The following SLC14A2 variants were observed in gnomAD, a reference collection of about 807,000 sequenced individuals.
The protein encoded by SLC14A2 is solute carrier family 14 member 2, also known as urea transporter 2.
A neutral mutation model predicts 104.6 loss-of-function variants in SLC14A2; 91 were observed. That is an observed-to-expected ratio of 0.87 (90% CI 0.73 to 1.04). The LOEUF (loss-of-function observed/expected upper bound fraction) is 1.04. Among genes scored for constraint, SLC14A2 ranks in the 50% least tolerant of loss-of-function variants. The probability of loss-of-function intolerance (pLI) is 0.00; values close to 1 mark genes in which losing one functional copy is unlikely to be tolerated. For missense variants in SLC14A2, 1,189 were observed against 1,156.0 expected, an observed-to-expected ratio of 1.03 and a Z score of -0.41; for synonymous variants, 476 against 466.4, an observed-to-expected ratio of 1.02 and a Z score of -0.27.
At chr18:45,178,290 A>G in the SLC14A2 span, among the ~76,000 whole-genome samples, 41 of 152,342 alleles carry the variant, frequency 2.7e-4, 1 homozygote, top group African/African-American at 5.3e-4. Context: ...ATTCTTAAGC[A>G]CTAGAATTCA....
At chr18:45,543,533 G>T (rs888539812) in intron 2 of SLC14A2, among the ~76,000 whole-genome samples, 4 of 152,110 alleles carry the variant, frequency 2.6e-5, no homozygotes, top group African/African-American at 4.8e-5. Flanking sequence ...TTGTCCTTTG[G>T]AAAGTACTGG....
chr18:45,605,377 A>C (rs1389312008), intron 2 of SLC14A2, among the ~76,000 whole-genome samples: 16 of 152,292 alleles, frequency 1.1e-4, no homozygotes, highest in Non-Finnish European at 1.9e-4. Flanking sequence ...CTTAAAATAT[A>C]ACCCCCTCTG....
intron 2 of SLC14A2, among the ~76,000 whole-genome samples, chr18:45,577,831 A>G (rs1040423883): frequency 3.9e-5 from 6 of 152,234 alleles, no homozygotes; most frequent in African/African-American, 1.4e-4. Flanking sequence ...TCTGCCCTAC[A>G]GGAATTTGCA....
chr18:45,246,270 C>T (rs1350473201), intron 1 of SLC14A2, among the ~76,000 whole-genome samples: 1 of 152,190 alleles, frequency 6.6e-6, no homozygotes, highest in African/African-American at 2.4e-5. Context: ...AACCTACAAA[C>T]ACCTTAATCC....
At chr18:45,491,845 T>C (rs972071525) in intron 2 of SLC14A2, among the ~76,000 whole-genome samples, 11 of 152,180 alleles carry the variant, frequency 7.2e-5, no homozygotes, top group African/African-American at 2.7e-4. Flanking sequence ...CTGAGCAAGG[T>C]CACCAAGGAC....
At chr18:45,596,337 C>G (rs139621259) in intron 2 of SLC14A2, among the ~76,000 whole-genome samples, 38 of 152,316 alleles carry the variant, frequency 2.5e-4, no homozygotes, top group Non-Finnish European at 4.4e-4. Flanking sequence ...TGGAGGCATG[C>G]GCAGCTAGAA....
At chr18:45,441,919 T>C (rs2086687836) in intron 1 of SLC14A2, among the ~76,000 whole-genome samples, 1 of 152,168 alleles carries the variant, frequency 6.6e-6, no homozygotes, top group Non-Finnish European at 1.5e-5. Flanking sequence ...TGTTAATTGC[T>C]GAACAAGGAG....
At chr18:45,261,085 C>T (rs939232438) in intron 1 of SLC14A2, among the ~76,000 whole-genome samples, 3 of 150,868 alleles carry the variant, frequency 2.0e-5, no homozygotes, top group African/African-American at 4.9e-5. Context: ...CATACGTATA[C>T]GTGTGCCATG....
intron 1 of SLC14A2, among the ~76,000 whole-genome samples, chr18:45,221,925 C>T (rs963631408): frequency 1.3e-5 from 2 of 152,044 alleles, no homozygotes; most frequent in Admixed American, 6.5e-5. Flanking sequence ...GGAGAGTACA[C>T]ATCCTCAAAA....
Position 45,521,778 on chromosome 18 carries a change from CTG to C in SLC14A2, c.-35+38457_-35+38458del, listed in dbSNP as rs746374474. ...GCAGGTTCCCACAGAATCAGAATCT[CTG>C]GAGCTGGCCCTCATAAATGCATTTG... On this transcript the variant is annotated intron_variant, in intron 2 of 20. Coordinates refer to the SLC14A2 transcript ENST00000586448. 2.2e-4 allele frequency among the ~76,000 whole-genome samples: 34 copies of C among 152,198 alleles called. No individual in the cohort carries two copies. The South Asian group carries it at 4.2e-3, about 19-fold the overall frequency.
upstream of SLC14A2, chr18:45,614,852 C>T (rs1489338124): frequency 2.9e-5 from 4 of 136,288 alleles, no homozygotes; most frequent in Admixed American, 8.0e-5. Flanking sequence ...GGCTGGAGTA[C>T]ATTGGCACTA....
chr18:45,562,757 C>T (rs376969917), intron 2 of SLC14A2, among the ~76,000 whole-genome samples: 1 of 152,102 alleles, frequency 6.6e-6, no homozygotes, highest in South Asian at 2.1e-4. Flanking sequence ...TGAGCTCTGG[C>T]CCCCGGAGAG....
At chr18:45,314,248 T>C (rs576634774) in intron 1 of SLC14A2, among the ~76,000 whole-genome samples, 2 of 152,346 alleles carry the variant, frequency 1.3e-5, no homozygotes, top group African/African-American at 4.8e-5. Context: ...CATTAAAGCA[T>C]AGGGTAGAGC....
At chr18:45,348,436 A>G (rs1360589476) in intron 1 of SLC14A2, among the ~76,000 whole-genome samples, 1 of 152,046 alleles carries the variant, frequency 6.6e-6, no homozygotes, top group Non-Finnish European at 1.5e-5. Flanking sequence ...TTCCTCTGCT[A>G]CTCTGGGACT....
intron 1 of SLC14A2, among the ~76,000 whole-genome samples, chr18:45,457,857 A>C (rs892663560): frequency 6.6e-6 from 1 of 152,162 alleles, no homozygotes; most frequent in African/African-American, 2.4e-5. Flanking sequence ...TCATGAGAGC[A>C]GCTACCCCCG....
At chr18:45,463,931 G>A (rs897314071) in intron 1 of SLC14A2, among the ~76,000 whole-genome samples, 2 of 152,200 alleles carry the variant, frequency 1.3e-5, no homozygotes, top group African/African-American at 2.4e-5. Context: ...ATCAGTCCAG[G>A]AGGATTAGCC....
chr18:45,237,958 G>A (rs1440068420), intron 1 of SLC14A2, among the ~76,000 whole-genome samples: 1 of 152,154 alleles, frequency 6.6e-6, no homozygotes, highest in East Asian at 1.9e-4. Context: ...TGATGAAATA[G>A]CTTCATGCAT....
chr18:45,455,900 T>C (rs567770028), intron 1 of SLC14A2, among the ~76,000 whole-genome samples: 1 of 152,096 alleles, frequency 6.6e-6, no homozygotes, highest in Admixed American at 6.6e-5. Flanking sequence ...TATTTTCTTA[T>C]TGTAAGATGG....
At chr18:45,212,185 G>A (rs2083967173), upstream of SLC14A2, among the ~76,000 whole-genome samples, 1 of 152,108 alleles carries the variant, frequency 6.6e-6, no homozygotes, top group South Asian at 2.1e-4. Context: ...TCAAACTTTT[G>A]CATAGAAGGT....
Sources: allele counts gnomAD v4.1 joint callset (sites outside exome capture counted in the v4.1 genomes callset), GRCh38; gene constraint gnomAD v4.1.1; transcripts MANE v1.5; gene names NCBI Gene and HGNC (gene_info 2026-07-23, HGNC 2026-07-21).